The following SMIM3 variants were observed in gnomAD, a reference collection of about 807,000 sequenced individuals.
The protein encoded by SMIM3 is small integral membrane protein 3, also known as NGF-induced differentiation clone 67 protein.
SMIM3 carries 4 observed loss-of-function variants against 2.1 expected under a neutral mutation model. That is an observed-to-expected ratio of 1.89 (90% confidence interval 0.93 to 4.31). SMIM3 has a LOEUF of 4.31. Ranked by LOEUF, SMIM3 falls within the 30% of genes most tolerant of loss-of-function variation. The pLI, the probability that SMIM3 is intolerant of heterozygous loss-of-function variation, is 0.01. For synonymous variants in SMIM3, 29 were observed against 30.8 expected, an observed-to-expected ratio of 0.94 and a Z score of 0.19; for missense variants, 79 against 77.7, an observed-to-expected ratio of 1.02 and a Z score of -0.06.
At chr5:150,793,006 T>C (rs1467769252) in intron 1 of SMIM3, among the ~76,000 whole-genome samples, 2 of 151,610 alleles carry the variant, frequency 1.3e-5, no homozygotes, top group African/African-American at 2.4e-5. Context: ...AAGAATGAAA[T>C]AAAAACTGTT....
intron 1 of SMIM3, among the ~76,000 whole-genome samples, chr5:150,788,013 A>T (rs1202769918): frequency 6.6e-6 from 1 of 152,210 alleles, no homozygotes; most frequent in Non-Finnish European, 1.5e-5. Context: ...AAATAAAAAC[A>T]GTATTGTCCT....
intron 1 of SMIM3, among the ~76,000 whole-genome samples, chr5:150,786,620 C>T (rs985755137): frequency 1.3e-5 from 2 of 152,110 alleles, no homozygotes; most frequent in Non-Finnish European, 1.5e-5. Context: ...TCTGTTTATT[C>T]TTTCTTATAA....
intron 1 of SMIM3, among the ~76,000 whole-genome samples, chr5:150,791,861 G>A (rs1283038757): frequency 1.3e-5 from 2 of 152,116 alleles, no homozygotes; most frequent in African/African-American, 4.8e-5. Flanking sequence ...TATTAATTAA[G>A]TAAATTAATA....
At chr5:150,782,502 A>G (rs2113198671) in intron 1 of SMIM3, among the ~76,000 whole-genome samples, 1 of 152,278 alleles carries the variant, frequency 6.6e-6, no homozygotes, top group Non-Finnish European at 1.5e-5. Flanking sequence ...ATGGAGTCAG[A>G]ACTCGAATTT....
chr5:150,783,778 G>A (rs1156290205), intron 1 of SMIM3, among the ~76,000 whole-genome samples: 3 of 152,136 alleles, frequency 2.0e-5, no homozygotes, highest in East Asian at 1.9e-4. Context: ...GTAAGTTTCC[G>A]GTGGGAGGTT....
chr5:150,782,670 A>G (rs1455225455), intron 1 of SMIM3, among the ~76,000 whole-genome samples: 1 of 152,186 alleles, frequency 6.6e-6, no homozygotes, highest in East Asian at 1.9e-4. Context: ...AAATGATAAA[A>G]TCAGAGGACA....
chr5:150,790,691 T>A (rs1389408106), intron 1 of SMIM3, among the ~76,000 whole-genome samples: 1 of 152,102 alleles, frequency 6.6e-6, no homozygotes, highest in African/African-American at 2.4e-5. Context: ...TCTTAAAGAT[T>A]TGTTGAGTCC....
intron 1 of SMIM3, among the ~76,000 whole-genome samples, chr5:150,790,084 T>C (rs889008793): frequency 1.1e-4 from 16 of 152,214 alleles, no homozygotes; most frequent in Non-Finnish European, 1.5e-4. Flanking sequence ...ATCAGATCTA[T>C]GTATTTGAAT....
chr5:150,792,805 G>A (rs1458026724), intron 1 of SMIM3, among the ~76,000 whole-genome samples: 1 of 152,254 alleles, frequency 6.6e-6, no homozygotes. Flanking sequence ...GATTCCCAAA[G>A]TGTTGGGGTT....
chr5:150,789,833 G>T (rs988211072), intron 1 of SMIM3, among the ~76,000 whole-genome samples: 2 of 152,150 alleles, frequency 1.3e-5, no homozygotes, highest in Non-Finnish European at 2.9e-5. Context: ...TAGTGCTTAG[G>T]GTCTCTGAGG....
intron 1 of SMIM3, among the ~76,000 whole-genome samples, chr5:150,781,198 G>C (rs776581104): frequency 3.3e-5 from 5 of 152,170 alleles, no homozygotes; most frequent in Non-Finnish European, 5.9e-5. Context: ...CCTATTCTCT[G>C]AACTTCATTG....
At chr5:150,783,365 C>T (rs1753256196) in intron 1 of SMIM3, among the ~76,000 whole-genome samples, 1 of 152,220 alleles carries the variant, frequency 6.6e-6, no homozygotes, top group Admixed American at 6.5e-5. Context: ...ATAAGGTGGA[C>T]AATGCTGGCA....
In SMIM3 at chr5:150,778,939, C is replaced by T; in HGVS notation, c.-45C>T. 1.9e-6 allele frequency: 1 copy of T among 516,520 alleles called. No individual in the cohort carries two copies. Among genetic ancestry groups the T allele is most frequent in the Non-Finnish European group, 4.0e-6 (1 of 252,236 alleles). The allele number at this position is 516,520 out of a possible 1,614,324, so 32.0% of individuals were successfully genotyped here. ...TGAGAAGCACCGAGCCATCCCTGAC[C>T]CAGGAACTTTCCGCAGACTCGCCGC... On this transcript the variant is annotated 5_prime_UTR_variant, in exon 1 of 2. Transcript: ENST00000526627.
intron 1 of SMIM3, among the ~76,000 whole-genome samples, chr5:150,784,979 A>G (rs1753274663): frequency 6.6e-6 from 1 of 151,792 alleles, no homozygotes; most frequent in Admixed American, 6.6e-5. Context: ...GCCCTTTCTT[A>G]GGCAATACAA....
chr5:150,787,498 A>T (rs1753305782), intron 1 of SMIM3, among the ~76,000 whole-genome samples: 1 of 152,200 alleles, frequency 6.6e-6, no homozygotes, highest in Admixed American at 6.5e-5. Flanking sequence ...TGGGTCTGGT[A>T]TACTCCATGC....
intron 1 of SMIM3, among the ~76,000 whole-genome samples, chr5:150,790,768 T>G (rs1308123752): frequency 6.6e-6 from 1 of 152,138 alleles, no homozygotes; most frequent in African/African-American, 2.4e-5. Context: ...CTCCTCCTCA[T>G]CCCCTTTGAG....
Position 150,796,647 on chromosome 5 carries a change from G to A in SMIM3, c.*1024G>A, listed in dbSNP as rs975992742. On this transcript the variant is annotated 3_prime_UTR_variant, in exon 2 of 2. Transcript: ENST00000526627. ...TATGTAAGAAGATAGCACAGATATC[G>A]GGATATTATTGTGTGAAAATGCTGC... 2.6e-5 allele frequency: 4 copies of A among 152,334 alleles called. No homozygotes were observed. Among genetic ancestry groups the A allele is most frequent in the African/African-American group, 9.7e-5 (4 of 41,448 alleles). The allele number at this position is 152,334 out of a possible 1,614,324, so 9.4% of individuals were successfully genotyped here. A position where few individuals can be genotyped will look rare whatever the true frequency, so the allele number is the denominator to read the frequency against.
intron 1 of SMIM3, among the ~76,000 whole-genome samples, chr5:150,788,181 G>A (rs1033314660): frequency 2.6e-5 from 4 of 152,046 alleles, no homozygotes; most frequent in African/African-American, 9.7e-5. Flanking sequence ...GCCAAATGGT[G>A]GGATTGGCCG....
intron 1 of SMIM3, among the ~76,000 whole-genome samples, chr5:150,790,445 G>T (rs922303790): frequency 6.6e-6 from 1 of 152,172 alleles, no homozygotes; most frequent in Non-Finnish European, 1.5e-5. Context: ...TCAGTCTCCT[G>T]TGACTCATGC....
Sources: gnomAD v4.1 joint callset for allele counts (sites outside exome capture counted in the v4.1 genomes callset) on GRCh38, gnomAD v4.1.1 for gene constraint, MANE v1.5 for transcripts, NCBI Gene and HGNC (gene_info 2026-07-23, HGNC 2026-07-21) for gene names.